Variants in CNTN5 observed in about 807,000 individuals in gnomAD.
CNTN5 encodes the protein contactin-5.
In CNTN5, 77 loss-of-function variants were observed where a neutral mutation model predicts 129.1. The ratio of observed to expected loss-of-function variants is 0.60; its 90% CI spans 0.50 to 0.72. The LOEUF is 0.72. Among genes scored for constraint, CNTN5 ranks in the 30% least tolerant of loss-of-function variants. The pLI is 0.00. For missense variants in CNTN5, 1,478 were observed against 1,328.8 expected (o/e 1.11, Z -1.75); for synonymous variants, 509 against 465.6 (o/e 1.09, Z -1.20).
intron 2 of CNTN5, among the ~76,000 whole-genome samples, chr11:99,492,932 C>T (rs1389852527): frequency 6.6e-6 from 1 of 151,998 alleles, no homozygotes; most frequent in Non-Finnish European, 1.5e-5. Context: ...GAGATGAGGA[C>T]GTGTTTTTCT....
At chr11:100,039,715 C>A (rs1246477307) in intron 9 of CNTN5, among the ~76,000 whole-genome samples, 1 of 152,078 alleles carries the variant, frequency 6.6e-6, no homozygotes, top group Non-Finnish European at 1.5e-5. Context: ...TCATTTCATT[C>A]ATTTTGTCTT....
intron 6 of CNTN5, among the ~76,000 whole-genome samples, chr11:99,905,715 A>G (rs554610074): frequency 1.3e-4 from 20 of 152,222 alleles, no homozygotes; most frequent in Admixed American, 7.2e-4. Flanking sequence ...CATTGAATCT[A>G]CACATTACTT....
intron 7 of CNTN5, among the ~76,000 whole-genome samples, chr11:99,919,256 T>G (rs1949873451): frequency 5.5e-4 from 1 of 1,804 alleles, no homozygotes. Flanking sequence ...TCTCAACTTG[T>G]GTGGCGCTGT....
chr11:99,735,237 A>G (rs1943666271), intron 3 of CNTN5, among the ~76,000 whole-genome samples: 1 of 152,180 alleles, frequency 6.6e-6, no homozygotes, highest in Non-Finnish European at 1.5e-5. Flanking sequence ...CCAATGAAGG[A>G]TTTTTATCAG....
chr11:99,467,017 C>T (rs1167279343), intron 2 of CNTN5, among the ~76,000 whole-genome samples: 3 of 152,110 alleles, frequency 2.0e-5, no homozygotes, highest in Non-Finnish European at 2.9e-5. Flanking sequence ...ATCTCTGCCA[C>T]ATCATGGATA....
At chr11:99,486,797 T>C in intron 2 of CNTN5, among the ~76,000 whole-genome samples, 1 of 152,144 alleles carries the variant, frequency 6.6e-6, no homozygotes, top group East Asian at 1.9e-4. Flanking sequence ...AGTGCAGAGG[T>C]TAACCATAAG....
Position 99,797,947 on chromosome 11 carries a change from T to A in CNTN5, c.56-21597T>A, listed in dbSNP as rs533697853. Reference sequence around the variant, plus strand: ...TAGCCTCTGCCTGTTTATCTTTTTTTAAAAAATATTTACTGAATTTTTATT... The same window carrying A: ...TAGCCTCTGCCTGTTTATCTTTTTTAAAAAAATATTTACTGAATTTTTATT... On this transcript the variant is annotated intron_variant, in intron 3 of 24. Transcript: ENST00000524871. Among the ~76,000 whole-genome samples the A allele has an allele frequency of 1.3e-4, 20 of 152,290 alleles. No individual in the cohort carries two copies. The East Asian group carries it at 3.3e-3, about 25-fold the overall frequency.
intron 6 of CNTN5, among the ~76,000 whole-genome samples, chr11:99,846,589 A>G (rs1423094274): frequency 1.3e-5 from 2 of 152,002 alleles, no homozygotes; most frequent in Non-Finnish European, 2.9e-5. Flanking sequence ...TTATATTAAT[A>G]ATTAAAGTGT....
chr11:99,356,196 C>CA (rs1484765925), intron 2 of CNTN5, among the ~76,000 whole-genome samples: 1 of 152,076 alleles, frequency 6.6e-6, no homozygotes, highest in African/African-American at 2.4e-5. Flanking sequence ...CCACCCCCCC[C>CA]CAACCAAGTT....
intron 9 of CNTN5, among the ~76,000 whole-genome samples, chr11:100,056,309 A>G (rs1295559614): frequency 6.6e-6 from 1 of 151,726 alleles, no homozygotes; most frequent in Non-Finnish European, 1.5e-5. Flanking sequence ...CAACAAAATC[A>G]AAAAGTAAAA....
chr11:99,628,585 G>T (rs1420658289), intron 3 of CNTN5, among the ~76,000 whole-genome samples: 1 of 148,956 alleles, frequency 6.7e-6, no homozygotes, highest in African/African-American at 2.5e-5. Context: ...CACTTCCATT[G>T]GCCAAGAAAC....
intron 9 of CNTN5, among the ~76,000 whole-genome samples, chr11:100,028,689 A>C (rs564915938): frequency 6.6e-6 from 1 of 152,308 alleles, no homozygotes; most frequent in South Asian, 2.1e-4. Flanking sequence ...AACTGAAAAT[A>C]GATGGTAGAA....
At chr11:99,608,613 A>G (rs1172120289) in intron 3 of CNTN5, among the ~76,000 whole-genome samples, 1 of 152,304 alleles carries the variant, frequency 6.6e-6, no homozygotes, top group East Asian at 1.9e-4. Context: ...GGAGATTAAC[A>G]TAGTCATCTA....
intron 21 of CNTN5, among the ~76,000 whole-genome samples, chr11:100,327,729 A>T (rs1382670907): frequency 6.6e-6 from 1 of 152,208 alleles, no homozygotes; most frequent in Non-Finnish European, 1.5e-5. Context: ...GAGTCAAAAA[A>T]TACCTTCGAA....
At chr11:99,607,904 A>G (rs1950473220) in intron 3 of CNTN5, among the ~76,000 whole-genome samples, 2 of 120,042 alleles carry the variant, frequency 1.7e-5, no homozygotes, top group Non-Finnish European at 3.4e-5. Flanking sequence ...GAACAATGAG[A>G]TCACATGGAC....
intron 2 of CNTN5, among the ~76,000 whole-genome samples, chr11:99,365,501 G>C (rs1429034598): frequency 6.6e-6 from 1 of 152,146 alleles, no homozygotes; most frequent in Non-Finnish European, 1.5e-5. Flanking sequence ...GAGAGGCTTA[G>C]AGCCACTCCA....
chr11:99,851,788 T>C (rs1364197031), intron 6 of CNTN5, among the ~76,000 whole-genome samples: 1 of 152,198 alleles, frequency 6.6e-6, no homozygotes, highest in Non-Finnish European at 1.5e-5. Flanking sequence ...ATTATATGAC[T>C]TTTTAGGCTT....
At chr11:100,132,798 TG>T (rs1946415771) in intron 13 of CNTN5, among the ~76,000 whole-genome samples, 1 of 152,020 alleles carries the variant, frequency 6.6e-6, no homozygotes, top group South Asian at 2.1e-4. Flanking sequence ...ACCACCATTT[TG>T]CAAAAAAGGT....
At chr11:99,547,294 G>A (rs539551590) in intron 2 of CNTN5, among the ~76,000 whole-genome samples, 9 of 152,222 alleles carry the variant, frequency 5.9e-5, no homozygotes, top group East Asian at 3.9e-4. Context: ...GTGAGCCACC[G>A]CGCCTGGTCG....
Sources: gnomAD v4.1 joint callset for allele counts (sites outside exome capture counted in the v4.1 genomes callset) on GRCh38, gnomAD v4.1.1 for gene constraint, MANE v1.5 for transcripts, NCBI Gene and HGNC (gene_info 2026-07-23, HGNC 2026-07-21) for gene names.